KIF18A: variants seen among roughly 807,000 people sequenced by gnomAD.
The protein encoded by KIF18A is kinesin family member 18A, also known as kinesin-like protein KIF18A.
A neutral mutation model predicts 103.3 loss-of-function variants in KIF18A; 67 were observed. The ratio of observed to expected loss-of-function variants is 0.65; its 90% confidence interval spans 0.53 to 0.79. The LOEUF (loss-of-function observed/expected upper bound fraction) is 0.79, where lower values mean the gene tolerates loss of function less well. Ranked by LOEUF, KIF18A falls within the 30% of genes least tolerant of loss-of-function variation. The pLI, the probability that KIF18A is intolerant of heterozygous loss-of-function variation, is 0.00. For missense variants in KIF18A, 1,032 were observed against 1,062.5 expected, an observed-to-expected ratio of 0.97 and a Z score of 0.40; for synonymous variants, 367 against 355.5, an observed-to-expected ratio of 1.03 and a Z score of -0.36.
intron 15 of KIF18A, among the ~76,000 whole-genome samples, chr11:28,025,717 T>G (rs1850310035): frequency 6.6e-6 from 1 of 151,954 alleles, no homozygotes; most frequent in Admixed American, 6.6e-5. Flanking sequence ...TACAAAGACT[T>G]AAAACTGATG....
At chr11:28,064,520 G>A (rs1268270754) in intron 11 of KIF18A, among the ~76,000 whole-genome samples, 2 of 152,098 alleles carry the variant, frequency 1.3e-5, no homozygotes, top group African/African-American at 4.8e-5. Flanking sequence ...ATTGATGGGT[G>A]CAGCAAACCA....
At chr11:28,083,088 A>G in intron 8 of KIF18A, 81 bp downstream of exon 8, 1 of 1,509,854 alleles carries the variant, frequency 6.6e-7, no homozygotes, top group South Asian at 1.3e-5. Context: ...AAAATATGTT[A>G]AATTTTTGGA....
At chr11:28,048,750 C>T (rs945716498) in intron 13 of KIF18A, among the ~76,000 whole-genome samples, 1 of 151,776 alleles carries the variant, frequency 6.6e-6, no homozygotes, top group East Asian at 1.9e-4. Flanking sequence ...TATATGCAGG[C>T]AAAGGAAAGA....
chr11:28,093,144 GA>G (rs908008254), intron 3 of KIF18A, among the ~76,000 whole-genome samples: 10 of 151,890 alleles, frequency 6.6e-5, no homozygotes, highest in Admixed American at 2.0e-4. Context: ...TAGATTAAAA[GA>G]AAAAATAAAA....
chr11:28,088,699 T>G lies in KIF18A; in HGVS notation c.722A>C (p.Lys241Thr), dbSNP rs767707078. Residue 241 changes from lysine to threonine, a missense_variant, in exon 6 of 17, where the codon AAA becomes ACA. By Grantham distance (78) the Lys-to-Thr change is moderately conservative (BLOSUM62 -1). Transcript: ENST00000263181. ...GACATTTTGATTGATACTTGCTGTTTTGTCTTGTTGTCGCAAGTAAATCTT... is the reference window on the plus strand; with the variant it reads ...GACATTTTGATTGATACTTGCTGTTGTGTCTTGTTGTCGCAAGTAAATCTT... ...VFQIYLRQQD[K>T]TASINQNVRI... The G allele has an allele frequency of 6.2e-7, 1 of 1,613,800 alleles. No individual in the cohort carries two copies. The highest frequency in any genetic ancestry group is 1.7e-5 in the Admixed American group (1 of 59,994).
At chr11:28,073,841 T>C (rs558118360) in intron 10 of KIF18A, among the ~76,000 whole-genome samples, 1 of 152,170 alleles carries the variant, frequency 6.6e-6, no homozygotes, top group East Asian at 1.9e-4. Flanking sequence ...GGGTTTTACA[T>C]GTAAACAAGT....
chr11:28,094,809 T>G lies in KIF18A; in HGVS notation c.326-9A>C. Reference sequence around the variant, plus strand: ...GGCACCATAGGCAAGTACTGAGTTTTTAAGAAAGGGATCAAAACTCTTTGT... The same window carrying G: ...GGCACCATAGGCAAGTACTGAGTTTGTAAGAAAGGGATCAAAACTCTTTGT... On this transcript the variant is annotated splice_polypyrimidine_tract_variant and intron_variant, in intron 2 of 16. Coordinates refer to ENST00000263181, the MANE Select transcript of KIF18A (RefSeq NM_031217.4). The G allele has an allele frequency of 6.2e-7, 1 of 1,613,186 alleles. No individual in the cohort carries two copies. The highest frequency in any genetic ancestry group is 8.5e-7 in the Non-Finnish European group (1 of 1,179,248).
In KIF18A at chr11:28,023,865, T is replaced by A. The variant is rs759990590; in HGVS notation, c.2505-15A>T. ...TTGATGTAGAACTTGAGAGGAAAAGTTTTTAATTTAGTTAAGCATTTTTTT... is the reference window on the plus strand; with the variant it reads ...TTGATGTAGAACTTGAGAGGAAAAGATTTTAATTTAGTTAAGCATTTTTTT... On this transcript the variant is annotated splice_polypyrimidine_tract_variant and intron_variant, in intron 15 of 16. Transcript: ENST00000263181. 2 of 1,514,898 alleles carry A rather than the reference T, an allele frequency of 1.3e-6. No individual in the cohort carries two copies. The highest frequency in any genetic ancestry group is 9.1e-7 in the Non-Finnish European group (1 of 1,101,022). The allele number at this position is 1,514,898 out of a possible 1,614,324, so 93.8% of individuals were successfully genotyped here.
At chr11:28,028,651 C>T (rs1418203679) in intron 15 of KIF18A, among the ~76,000 whole-genome samples, 2 of 151,670 alleles carry the variant, frequency 1.3e-5, no homozygotes, top group Non-Finnish European at 2.9e-5. Flanking sequence ...ATTAAAAAGC[C>T]AGCAGAAGGC....
chr11:28,097,867 T>C lies in KIF18A; in HGVS notation c.81A>G (p.Ala27=), dbSNP rs749104031. 1 of 1,611,644 alleles carries C rather than the reference T, an allele frequency of 6.2e-7. No individual in the cohort carries two copies. The highest frequency in any genetic ancestry group is 2.2e-5 in the East Asian group (1 of 44,832). The change falls in exon 2 of 17, where the codon GCA becomes GCG. Residue 27 remains alanine (A), a synonymous_variant. Coordinates refer to ENST00000263181, the MANE Select transcript of KIF18A (RefSeq NM_031217.4). ...CATGAACCACTTTATGAAATCCAGC[T>C]GCTTTTTCTTTAGTGTTTTCCGGAC... ...RVRPENTKEK[A]AGFHKVVHVV... is the part of the protein sequence containing the mutation.
At chr11:28,091,373 C>T (rs377045151) in intron 4 of KIF18A, 36 bp downstream of exon 4, 70 of 1,118,244 alleles carry the variant, frequency 6.3e-5, no homozygotes, top group Non-Finnish European at 9.0e-5. Context: ...GTCACATTTG[C>T]TATTCTAACA....
In KIF18A at chr11:28,062,254, A is replaced by G. The variant is rs529682301; in HGVS notation, c.1712+141T>C. The G allele has an allele frequency of 8.6e-5, 56 of 653,068 alleles. 2 individuals carry two copies. The South Asian group carries it at 1.9e-3, about 22-fold the overall frequency. The allele number at this position is 653,068 out of a possible 1,614,324, so 40.5% of individuals were successfully genotyped here. ...TTTGTTGGAAGGAAATAACTCTCTTAATGTTTTCTGGTTCAGACAGACACT... is the reference window on the plus strand; with the variant it reads ...TTTGTTGGAAGGAAATAACTCTCTTGATGTTTTCTGGTTCAGACAGACACT... On this transcript the variant is annotated intron_variant, in intron 12 of 16. Coordinates refer to ENST00000263181, the MANE Select transcript of KIF18A (RefSeq NM_031217.4).
chr11:28,044,506 A>C (rs902196104), intron 13 of KIF18A, among the ~76,000 whole-genome samples: 8 of 152,232 alleles, frequency 5.3e-5, no homozygotes, highest in African/African-American at 1.9e-4. Context: ...TGATGCTTTA[A>C]GGCATCCTAT....
At chr11:28,083,727 G>A (rs937254796) in intron 7 of KIF18A, among the ~76,000 whole-genome samples, 4 of 152,098 alleles carry the variant, frequency 2.6e-5, no homozygotes, top group Non-Finnish European at 5.9e-5. Context: ...CGAACTGTTT[G>A]ATGTTTGGGT....
intron 13 of KIF18A, among the ~76,000 whole-genome samples, chr11:28,053,073 C>T (rs1850731343): frequency 8.1e-6 from 1 of 122,780 alleles, no homozygotes; most frequent in Non-Finnish European, 1.9e-5. Flanking sequence ...TAAAAATTAG[C>T]AAAGACAAAA....
chr11:28,022,845 T>C (rs969572039), intron 16 of KIF18A, among the ~76,000 whole-genome samples: 2 of 152,154 alleles, frequency 1.3e-5, no homozygotes, highest in African/African-American at 4.8e-5. Flanking sequence ...CCAATATAGT[T>C]TGACAAAGTT....
chr11:28,040,354 T>C (rs1272166961), intron 13 of KIF18A, among the ~76,000 whole-genome samples: 2 of 151,690 alleles, frequency 1.3e-5, no homozygotes, highest in Non-Finnish European at 2.9e-5. Context: ...GTACAGTAAA[T>C]TTCCAGAAGA....
intron 1 of KIF18A, among the ~76,000 whole-genome samples, 186 bp from the exon 2 acceptor site, chr11:28,098,179 C>A (rs1851399969): frequency 6.6e-6 from 1 of 152,012 alleles, no homozygotes; most frequent in Non-Finnish European, 1.5e-5. Context: ...TGCACACATA[C>A]ACACATATGC....
chr11:28,106,508 C>T (rs1271650089), intron 1 of KIF18A, among the ~76,000 whole-genome samples: 2 of 131,864 alleles, frequency 1.5e-5, no homozygotes, highest in African/African-American at 5.9e-5. Flanking sequence ...CCGGCACTGA[C>T]AGCTGAGCTA....
Sources: allele counts gnomAD v4.1 joint callset (sites outside exome capture counted in the v4.1 genomes callset), GRCh38; gene constraint gnomAD v4.1.1; transcripts MANE v1.5; gene names NCBI Gene and HGNC (gene_info 2026-07-23, HGNC 2026-07-21).